NEURL1: variants seen among roughly 807,000 people sequenced by gnomAD.
NEURL1 encodes the protein E3 ubiquitin-protein ligase NEURL1.
In NEURL1, 26 loss-of-function variants were observed where a neutral mutation model predicts 41.2. That is an observed-to-expected ratio of 0.63 (90% CI 0.46 to 0.87). The LOEUF is 0.87. Ranked by LOEUF, NEURL1 falls within the 40% of genes least tolerant of loss-of-function variation. NEURL1 has a pLI of 0.00. For synonymous variants in NEURL1, 400 were observed against 402.3 expected (o/e 0.99, Z 0.07); for missense variants, 761 against 871.1 (o/e 0.87, Z 1.59).
chr10:103,549,931 T>C (rs2035000101), intron 1 of NEURL1, among the ~76,000 whole-genome samples: 1 of 152,248 alleles, frequency 6.6e-6, no homozygotes, highest in Admixed American at 6.5e-5. Flanking sequence ...TTATTGGGCC[T>C]TCTTTGCTAC....
chr10:103,556,933 G>C lies in NEURL1; in HGVS notation c.86-13939G>C, dbSNP rs1050033637. 2.0e-5 allele frequency among the ~76,000 whole-genome samples: 3 copies of C among 152,240 alleles called. No individual in the cohort carries two copies. The highest frequency in any genetic ancestry group is 4.4e-5 in the Non-Finnish European group (3 of 68,036). On this transcript the variant is annotated intron_variant, in intron 1 of 5. Transcript: ENST00000369780. This position sits in a 1 kb window ranked among gnomAD's most constrained non-coding sequence, Gnocchi z 4.4. ...CTTGGGCAAGCCTGTGGTCTGGGAA[G>C]GACAGAGAGGCTCTCAGAGCAGACT...
chr10:103,562,209 C>T (rs2035309618), intron 1 of NEURL1, among the ~76,000 whole-genome samples: 1 of 152,218 alleles, frequency 6.6e-6, no homozygotes, highest in South Asian at 2.1e-4. Context: ...ATAGTAAAAC[C>T]CCGTCTCTAC....
chr10:103,532,599 T>C (rs1449156089), intron 1 of NEURL1, among the ~76,000 whole-genome samples: 1 of 152,226 alleles, frequency 6.6e-6, no homozygotes, highest in Non-Finnish European at 1.5e-5. Flanking sequence ...CATTCTCTAC[T>C]GGCCTGTAAG....
Position 103,493,709 on chromosome 10 carries a change from G to C in NEURL1, c.-679G>C, listed in dbSNP as rs998568691. Among the ~76,000 whole-genome samples, 6 of 152,028 alleles carry C rather than the reference G, an allele frequency of 3.9e-5. No individual in the cohort carries two copies. The highest frequency in any genetic ancestry group is 8.8e-5 in the Non-Finnish European group (6 of 67,978). On this transcript the variant is annotated 5_prime_UTR_variant, in exon 1 of 6. Coordinates refer to ENST00000369780, the MANE Select transcript of NEURL1 (RefSeq NM_004210.5). ...GCGGGCGCGCGCGTGTCACTAAGAC[G>C]CTCATTCACCGGCGCAGCTGTCACC...
chr10:103,546,538 G>A (rs2034928131), intron 1 of NEURL1, among the ~76,000 whole-genome samples: 1 of 152,322 alleles, frequency 6.6e-6, no homozygotes, highest in South Asian at 2.1e-4. Flanking sequence ...CTGATGTCCA[G>A]TAGGTGTGTT....
At chr10:103,546,580 T>C (rs773596089) in intron 1 of NEURL1, among the ~76,000 whole-genome samples, 3 of 152,188 alleles carry the variant, frequency 2.0e-5, no homozygotes, top group Non-Finnish European at 4.4e-5. Flanking sequence ...GCATTAGCTG[T>C]GTGACCTGGG....
chr10:103,519,011 G>A (rs1325598722), intron 1 of NEURL1, among the ~76,000 whole-genome samples: 1 of 152,222 alleles, frequency 6.6e-6, no homozygotes. Flanking sequence ...TTGGGAGGCT[G>A]AGGCGGGTGG....
At chr10:103,557,789 G>A (rs910032927) in intron 1 of NEURL1, among the ~76,000 whole-genome samples, 1 of 152,262 alleles carries the variant, frequency 6.6e-6, no homozygotes, top group Non-Finnish European at 1.5e-5. Context: ...AGCGGGAGAC[G>A]CAGGGGTTTG....
At chr10:103,512,841 A>G (rs1240312240) in intron 1 of NEURL1, among the ~76,000 whole-genome samples, 1 of 152,030 alleles carries the variant, frequency 6.6e-6, no homozygotes, top group Non-Finnish European at 1.5e-5. Context: ...GGGACTGGGA[A>G]CAAGGTGCTG....
chr10:103,547,911 C>G (rs1406978448), intron 1 of NEURL1, among the ~76,000 whole-genome samples: 1 of 152,092 alleles, frequency 6.6e-6, no homozygotes, highest in Non-Finnish European at 1.5e-5. Flanking sequence ...CATCCTGTCT[C>G]CTGCGACACC....
intron 1 of NEURL1, among the ~76,000 whole-genome samples, chr10:103,535,777 C>T (rs1284757596): frequency 6.6e-6 from 1 of 152,144 alleles, no homozygotes; most frequent in Non-Finnish European, 1.5e-5. Context: ...AAGGGTGCAA[C>T]AGCTGCTGGC....
chr10:103,543,835 A>G (rs76996467), intron 1 of NEURL1, among the ~76,000 whole-genome samples: 2,553 of 152,244 alleles, frequency 0.017, 33 homozygotes, highest in Non-Finnish European at 0.026. Context: ...AAGGAGAGGG[A>G]CAGTGTTCAA....
In NEURL1 at chr10:103,556,215, T is replaced by C. The variant is rs528945935; in HGVS notation, c.86-14657T>C. Among the ~76,000 whole-genome samples, 2 of 152,232 alleles carry C rather than the reference T, an allele frequency of 1.3e-5. No homozygotes were observed. Among genetic ancestry groups the C allele is most frequent in the Non-Finnish European group, 2.9e-5 (2 of 68,014 alleles). ...CAGAGCTCCTGCTTGCTCCAAACCCTGTCCTCTTGTTCCCCTAGCTCTAGT... is the reference window on the plus strand; with the variant it reads ...CAGAGCTCCTGCTTGCTCCAAACCCCGTCCTCTTGTTCCCCTAGCTCTAGT... On this transcript the variant is annotated intron_variant, in intron 1 of 5. Coordinates refer to ENST00000369780, the MANE Select transcript of NEURL1 (RefSeq NM_004210.5). The surrounding 1 kb of genome is among the most constrained non-coding windows in gnomAD (Gnocchi z 4.4).
rs1028839030 is a variant in NEURL1 at position 103,545,230 on chromosome 10, G to T, written c.86-25642G>T. Among the ~76,000 whole-genome samples the T allele has an allele frequency of 6.6e-6, 1 of 152,218 alleles. No homozygotes were observed. The highest frequency in any genetic ancestry group is 2.4e-5 in the African/African-American group (1 of 41,454). On this transcript the variant is annotated intron_variant, in intron 1 of 5. Transcript: ENST00000369780. The surrounding 1 kb of genome is among the most constrained non-coding windows in gnomAD (Gnocchi z 4.5). ...CTCCCCTCCTTGGGCTGTCCTTTGT[G>T]CAGGAATACCACAGTCCTGACAGCC...
chr10:103,534,626 A>C (rs1187433256), intron 1 of NEURL1, among the ~76,000 whole-genome samples: 1 of 152,130 alleles, frequency 6.6e-6, no homozygotes, highest in Non-Finnish European at 1.5e-5. Context: ...AGGGCTCTTG[A>C]GGTCCTCCTA....
chr10:103,528,034 A>G (rs750848122), intron 1 of NEURL1, among the ~76,000 whole-genome samples: 1 of 152,198 alleles, frequency 6.6e-6, no homozygotes, highest in Non-Finnish European at 1.5e-5. Context: ...AGCCTGGCCA[A>G]CATGGTGAAA....
intron 1 of NEURL1, among the ~76,000 whole-genome samples, chr10:103,559,907 CAA>C (rs1332400126): frequency 6.6e-6 from 1 of 151,946 alleles, no homozygotes; most frequent in Non-Finnish European, 1.5e-5. Context: ...TGCACACACA[CAA>C]CACACACATG....
rs763668463 is a variant in NEURL1, at chr10:103,584,541, G to A, written c.655G>A (p.Glu219Lys). 82 of 1,373,298 alleles carry A rather than the reference G, an allele frequency of 6.0e-5. No individual in the cohort carries two copies. The highest frequency in any genetic ancestry group is 7.2e-5 in the Admixed American group (2 of 27,734). 85.1% of individuals were successfully genotyped at this position (1,373,298 alleles called of 1,614,324 possible). The change falls in exon 4 of 6, where the codon GAG becomes AAG. Residue 219 changes from glutamate (E) to lysine (K), a missense_variant. Coordinates refer to ENST00000369780, the MANE Select transcript of NEURL1 (RefSeq NM_004210.5). Reference sequence around the variant, plus strand: ...GCCCCGTGTCTCCCGCGCAGATAGCGAGCTGGTGCTCCCGGACTGTCTGCG... The same window carrying A: ...GCCCCGTGTCTCCCGCGCAGATAGCAAGCTGGTGCTCCCGGACTGTCTGCG... ...LTRGVQLLDSELVLPDCLRPR... is the reference protein window; with the variant it reads ...LTRGVQLLDSKLVLPDCLRPR...
Position 103,590,034 on chromosome 10 carries a change from T to A in NEURL1, c.1487-100T>A. 2.5e-6 allele frequency: 3 copies of A among 1,190,402 alleles called. No individual in the cohort carries two copies. The South Asian group carries it at 4.0e-5, about 16-fold the overall frequency. The allele number at this position is 1,190,402 out of a possible 1,614,324, so 73.7% of individuals were successfully genotyped here. On this transcript the variant is annotated intron_variant, in intron 5 of 5. Coordinates refer to ENST00000369780, the MANE Select transcript of NEURL1 (RefSeq NM_004210.5). ...GTCAGGGTGAACAGGCAGATCCTGATAAATGGAGGGGGACACAAGAGGCCG... is the reference window on the plus strand; with the variant it reads ...GTCAGGGTGAACAGGCAGATCCTGAAAAATGGAGGGGGACACAAGAGGCCG...
Sources: gnomAD v4.1 joint callset for allele counts (sites outside exome capture counted in the v4.1 genomes callset) on GRCh38, gnomAD v4.1.1 for gene constraint, Gnocchi (gnomAD v3.1) non-coding constraint, MANE v1.5 for transcripts, NCBI Gene and HGNC (gene_info 2026-07-23, HGNC 2026-07-21) for gene names.